Variants in LSAMP observed in about 807,000 individuals in gnomAD.
The protein encoded by LSAMP is limbic system associated membrane protein.
Under a neutral mutation model 38.6 loss-of-function variants are expected in LSAMP, and 7 were observed. The ratio of observed to expected loss-of-function variants is 0.18; its 90% CI spans 0.10 to 0.34. The LOEUF (loss-of-function observed/expected upper bound fraction) is 0.34. LSAMP is among the 10% of genes least tolerant of loss of function. LSAMP has a pLI of 1.00. For missense variants in LSAMP, 313 were observed against 420.0 expected (o/e 0.75, Z 2.23); for synonymous variants, 154 against 166.8 (o/e 0.92, Z 0.59).
chr3:116,014,794 T>C (rs956965206), intron 3 of LSAMP, among the ~76,000 whole-genome samples: 2 of 152,224 alleles, frequency 1.3e-5, no homozygotes, highest in East Asian at 1.9e-4. Flanking sequence ...TTGCAACAGG[T>C]ACTTCTATAA....
chr3:116,001,301 A>G (rs1364117270), intron 3 of LSAMP, among the ~76,000 whole-genome samples: 6 of 152,238 alleles, frequency 3.9e-5, no homozygotes, highest in African/African-American at 1.2e-4. Flanking sequence ...ATATGTGCTA[A>G]CATCACTGAT....
chr3:116,125,259 A>AT (rs1708981309), intron 1 of LSAMP, among the ~76,000 whole-genome samples: 2 of 152,098 alleles, frequency 1.3e-5, no homozygotes, highest in Non-Finnish European at 2.9e-5. Context: ...CTTTGTGCAT[A>AT]TTTTTTCCCA....
intron 1 of LSAMP, among the ~76,000 whole-genome samples, chr3:116,251,989 G>A (rs1423012775): frequency 6.6e-6 from 1 of 152,128 alleles, no homozygotes; most frequent in East Asian, 1.9e-4. Flanking sequence ...TGTCTCACTC[G>A]ACCCCAAATC....
intron 3 of LSAMP, among the ~76,000 whole-genome samples, chr3:115,860,042 C>T (rs1343802732): frequency 6.6e-6 from 1 of 152,140 alleles, no homozygotes; most frequent in Non-Finnish European, 1.5e-5. Flanking sequence ...CTGTAAAAAC[C>T]ACATTTGGTT....
intron 3 of LSAMP, among the ~76,000 whole-genome samples, chr3:116,011,210 T>A (rs1036573155): frequency 6.6e-6 from 1 of 152,124 alleles, no homozygotes; most frequent in Non-Finnish European, 1.5e-5. Context: ...CCCGGCCAGT[T>A]TTTGCATTTT....
At chr3:116,200,093 TACAC>T (rs36216707) in intron 1 of LSAMP, among the ~76,000 whole-genome samples, 2,481 of 149,340 alleles carry the variant, frequency 0.017, 65 homozygotes, top group African/African-American at 0.05. Flanking sequence ...AGTCTTACTT[TACAC>T]ACACACACAC....
In LSAMP at chr3:116,142,864, C is replaced by T. The variant is rs562504741; in HGVS notation, c.156-56308G>A. On this transcript the variant is annotated intron_variant, in intron 1 of 6. Transcript: ENST00000490035. ...ATCAGCCCTTTAGGCTGCTACATTA[C>T]GATGGCTGAACCACAACTTTTCACA... 1.2e-4 allele frequency among the ~76,000 whole-genome samples: 18 copies of T among 151,932 alleles called. 1 individual carries two copies. The highest frequency in any genetic ancestry group is 9.9e-4 in the Admixed American group (15 of 15,214).
chr3:116,107,749 C>T (rs1268866769), intron 1 of LSAMP, among the ~76,000 whole-genome samples: 3 of 151,920 alleles, frequency 2.0e-5, no homozygotes, highest in African/African-American at 7.3e-5. Context: ...CAAGTGAAAG[C>T]GAAGAGAGGC....
chr3:116,179,863 T>C (rs945546965), intron 1 of LSAMP, among the ~76,000 whole-genome samples: 1 of 152,202 alleles, frequency 6.6e-6, no homozygotes, highest in Non-Finnish European at 1.5e-5. Context: ...TCAGAAAATG[T>C]ATCTAATTAA....
intron 4 of LSAMP, among the ~76,000 whole-genome samples, chr3:115,844,868 T>C (rs1406725834): frequency 6.6e-6 from 1 of 152,072 alleles, no homozygotes; most frequent in Non-Finnish European, 1.5e-5. Context: ...TCCCAGCTAC[T>C]CGGGAACCTG....
At chr3:116,431,693 A>C (rs1412643070) in intron 1 of LSAMP, among the ~76,000 whole-genome samples, 2 of 152,046 alleles carry the variant, frequency 1.3e-5, no homozygotes, top group African/African-American at 4.8e-5. Context: ...GATTTTAAAA[A>C]TTGCAAAGGG....
intron 1 of LSAMP, among the ~76,000 whole-genome samples, chr3:116,399,752 G>A (rs1266075102): frequency 6.6e-6 from 1 of 152,198 alleles, no homozygotes; most frequent in Non-Finnish European, 1.5e-5. Context: ...ATCCCATTGA[G>A]CAAACGCTAC....
At chr3:116,441,455 A>T (rs1334656181) in intron 1 of LSAMP, among the ~76,000 whole-genome samples, 1 of 152,234 alleles carries the variant, frequency 6.6e-6, no homozygotes, top group Admixed American at 6.5e-5. Flanking sequence ...TTTTATTATT[A>T]TCTTTTCAGA....
At chr3:116,254,434 A>T (rs1329627640) in intron 1 of LSAMP, among the ~76,000 whole-genome samples, 1 of 152,106 alleles carries the variant, frequency 6.6e-6, no homozygotes, top group Non-Finnish European at 1.5e-5. Context: ...ATAGAGGGAG[A>T]AAGAGAAAGG....
chr3:116,243,701 GCAGCTAT>G (rs1017339866), intron 1 of LSAMP, among the ~76,000 whole-genome samples: 1 of 152,118 alleles, frequency 6.6e-6, no homozygotes, highest in African/African-American at 2.4e-5. Flanking sequence ...AGGTATCTGT[GCAGCTAT>G]CACCTTTATT....
At chr3:116,435,778 C>A (rs2049341697) in intron 1 of LSAMP, among the ~76,000 whole-genome samples, 1 of 152,144 alleles carries the variant, frequency 6.6e-6, no homozygotes, top group Non-Finnish European at 1.5e-5. Context: ...GAGTAGAGAA[C>A]CTCTTGAGGG....
At chr3:116,150,658 T>C (rs988743891) in intron 1 of LSAMP, among the ~76,000 whole-genome samples, 9 of 151,904 alleles carry the variant, frequency 5.9e-5, no homozygotes, top group Admixed American at 1.3e-4. Flanking sequence ...TGCGCAGTGA[T>C]AGGAGTCAGG....
intron 2 of LSAMP, among the ~76,000 whole-genome samples, chr3:116,078,456 C>T (rs755414316): frequency 6.8e-4 from 104 of 152,116 alleles, no homozygotes; most frequent in Middle Eastern, 3.4e-3. Context: ...TCCCGAGTAG[C>T]TGGGACTACA....
chr3:116,072,494 G>A (rs1707632077), intron 2 of LSAMP, among the ~76,000 whole-genome samples: 1 of 152,046 alleles, frequency 6.6e-6, no homozygotes, highest in Non-Finnish European at 1.5e-5. Context: ...ACAGTGATTG[G>A]ACTGATTTAT....
Sources: allele counts gnomAD v4.1 joint callset (sites outside exome capture counted in the v4.1 genomes callset), GRCh38; gene constraint gnomAD v4.1.1; transcripts MANE v1.5; gene names NCBI Gene and HGNC (gene_info 2026-07-23, HGNC 2026-07-21).